BTRC: variants seen among roughly 807,000 people sequenced by gnomAD.
BTRC encodes beta-transducin repeat containing E3 ubiquitin protein ligase.
Under a neutral mutation model 85.5 loss-of-function variants are expected in BTRC, and 42 were observed. The ratio of observed to expected loss-of-function variants is 0.49; its 90% CI spans 0.38 to 0.64. The LOEUF (loss-of-function observed/expected upper bound fraction) is 0.64, where lower values mean the gene tolerates loss of function less well. BTRC is among the 30% of genes least tolerant of loss of function. The pLI is 0.00. For missense variants in BTRC, 594 were observed against 743.5 expected, an observed-to-expected ratio of 0.80 and a Z score of 2.34; for synonymous variants, 255 against 263.3, an observed-to-expected ratio of 0.97 and a Z score of 0.30.
chr10:101,479,331 AT>A, intron 3 of BTRC, 36 bp from the exon 4 acceptor site: 2 of 1,521,900 alleles, frequency 1.3e-6, no homozygotes, highest in Non-Finnish European at 1.8e-6. Flanking sequence ...GTATTTCAAT[AT>A]TTTAAAAACC....
At chr10:101,396,581 A>T (rs1043018604) in intron 1 of BTRC, among the ~76,000 whole-genome samples, 6 of 151,932 alleles carry the variant, frequency 3.9e-5, no homozygotes, top group Admixed American at 3.3e-4. Flanking sequence ...GTGGTATAGA[A>T]CTATTTTCAT....
intron 1 of BTRC, among the ~76,000 whole-genome samples, chr10:101,405,236 G>A (rs977358751): frequency 2.0e-5 from 3 of 151,592 alleles, no homozygotes; most frequent in East Asian, 1.9e-4. Context: ...ATGGGGCTAC[G>A]CAATGGGAGG....
At chr10:101,468,144 T>TG (rs1945430184) in intron 3 of BTRC, among the ~76,000 whole-genome samples, 1 of 152,276 alleles carries the variant, frequency 6.6e-6, no homozygotes. Flanking sequence ...GAAGACCGTA[T>TG]GGGGGGTTGG....
At chr10:101,421,168 AT>A (rs1944090288) in intron 1 of BTRC, among the ~76,000 whole-genome samples, 2 of 151,974 alleles carry the variant, frequency 1.3e-5, no homozygotes, top group Admixed American at 1.3e-4. Context: ...ATGATCAGTT[AT>A]CCAGTCCTGT....
chr10:101,532,804 G>GCGCC (rs1227338914), intron 8 of BTRC, 148 bp from the exon 9 acceptor site: 1 of 657,416 alleles, frequency 1.5e-6, no homozygotes. Context: ...GTGTGCGCGC[G>GCGCC]CGCGCGCTTA....
chr10:101,550,105 T>C (rs2062626579), intron 13 of BTRC, among the ~76,000 whole-genome samples: 2 of 152,090 alleles, frequency 1.3e-5, no homozygotes, highest in Non-Finnish European at 2.9e-5. Flanking sequence ...AGGGAGGTAG[T>C]AAGGAATGCT....
At chr10:101,425,671 G>C (rs1011831441) in intron 1 of BTRC, among the ~76,000 whole-genome samples, 2 of 149,990 alleles carry the variant, frequency 1.3e-5, no homozygotes, top group African/African-American at 4.9e-5. Flanking sequence ...TTAGCCAGGC[G>C]TGGTGGTGCA....
At chr10:101,400,257 G>T (rs568335201) in intron 1 of BTRC, among the ~76,000 whole-genome samples, 3 of 152,176 alleles carry the variant, frequency 2.0e-5, no homozygotes, top group African/African-American at 7.2e-5. Flanking sequence ...TGATGTGCGG[G>T]AAATCAGATG....
intron 6 of BTRC, among the ~76,000 whole-genome samples, chr10:101,526,646 G>T (rs1002895968): frequency 2.0e-5 from 3 of 152,190 alleles, no homozygotes; most frequent in Non-Finnish European, 2.9e-5. Flanking sequence ...CGAGTATGGT[G>T]GCGTGCACCT....
intron 1 of BTRC, among the ~76,000 whole-genome samples, chr10:101,413,156 G>A (rs533300629): frequency 9.2e-5 from 14 of 152,034 alleles, no homozygotes; most frequent in Admixed American, 2.0e-4. Flanking sequence ...ATGGAGTCTT[G>A]CTCTGTCGCC....
At chr10:101,546,064 TG>T (rs2062553519) in intron 13 of BTRC, among the ~76,000 whole-genome samples, 1 of 152,254 alleles carries the variant, frequency 6.6e-6, no homozygotes, top group South Asian at 2.1e-4. Flanking sequence ...TGGACAGATC[TG>T]GCAGGCAGCC....
At chr10:101,525,721 GT>G (rs1343188040) in intron 5 of BTRC, among the ~76,000 whole-genome samples, 1 of 152,048 alleles carries the variant, frequency 6.6e-6, no homozygotes, top group African/African-American at 2.4e-5. Flanking sequence ...GATGTGAATT[GT>G]TTTCTGGAAT....
chr10:101,477,133 C>T (rs1012693917), intron 3 of BTRC, among the ~76,000 whole-genome samples: 1 of 152,036 alleles, frequency 6.6e-6, no homozygotes, highest in African/African-American at 2.4e-5. Context: ...TGCACCACCA[C>T]GCCTGGCTAA....
chr10:101,384,334 A>G (rs1943012451), intron 1 of BTRC, among the ~76,000 whole-genome samples: 3 of 152,238 alleles, frequency 2.0e-5, no homozygotes, highest in Non-Finnish European at 4.4e-5. Flanking sequence ...CCCAGGCTAA[A>G]TCACAGCCTT....
chr10:101,405,950 A>G (rs1003768159), intron 1 of BTRC, among the ~76,000 whole-genome samples: 1 of 152,158 alleles, frequency 6.6e-6, no homozygotes, highest in Non-Finnish European at 1.5e-5. Context: ...ATAAATCATT[A>G]CATCAAGTTT....
At chr10:101,516,276 A>G (rs1013027897) in intron 4 of BTRC, among the ~76,000 whole-genome samples, 18 of 152,320 alleles carry the variant, frequency 1.2e-4, no homozygotes, top group African/African-American at 4.3e-4. Context: ...CAAAAACCCA[A>G]TGAAATAGAA....
At chr10:101,426,245 A>G (rs1433442766) in intron 1 of BTRC, among the ~76,000 whole-genome samples, 4 of 152,218 alleles carry the variant, frequency 2.6e-5, no homozygotes, top group Admixed American at 6.5e-5. Context: ...TTACCAGTAT[A>G]GATAAGATTA....
intron 8 of BTRC, 98 bp from the exon 9 acceptor site, chr10:101,532,854 T>C: frequency 9.9e-7 from 1 of 1,007,716 alleles, no homozygotes; most frequent in Non-Finnish European, 1.5e-6. Flanking sequence ...TACTCTGGGC[T>C]TTGATTATTT....
chr10:101,509,169 T>TATCTCTTTCC (rs1946624862), intron 4 of BTRC, among the ~76,000 whole-genome samples: 1 of 151,346 alleles, frequency 6.6e-6, no homozygotes, highest in Non-Finnish European at 1.5e-5. Context: ...TGTGCTTACT[T>TATCTCTTTCC]ATCTCTTTCC....
Sources: allele counts gnomAD v4.1 joint callset (sites outside exome capture counted in the v4.1 genomes callset), GRCh38; gene constraint gnomAD v4.1.1; transcripts MANE v1.5; gene names NCBI Gene and HGNC (gene_info 2026-07-23, HGNC 2026-07-21).